The following HDX variants were observed in gnomAD, a reference collection of about 807,000 sequenced individuals.
HDX encodes the protein chromosome X open reading frame 43.
In HDX, 19 loss-of-function variants were observed where a neutral mutation model predicts 45.2. That is an observed-to-expected ratio of 0.42 (90% CI 0.29 to 0.62). The LOEUF (loss-of-function observed/expected upper bound fraction) is 0.62, where lower values mean the gene tolerates loss of function less well. Ranked by LOEUF, HDX falls within the 20% of genes least tolerant of loss-of-function variation. The pLI is 0.20. For synonymous variants in HDX, 188 were observed against 172.8 expected (o/e 1.09, Z -0.69); for missense variants, 532 against 493.9 (o/e 1.08, Z -0.73).
chrX:84,457,309 C>T (rs1313176636), intron 4 of HDX, among the ~76,000 whole-genome samples: 2 of 111,393 alleles, frequency 1.8e-5, no homozygotes, highest in Non-Finnish European at 1.9e-5. Flanking sequence ...TTATCTATTA[C>T]TAATGTATAA....
intron 5 of HDX, among the ~76,000 whole-genome samples, chrX:84,369,280 T>C (rs992004761): frequency 8.9e-6 from 1 of 112,460 alleles, no homozygotes; most frequent in Non-Finnish European, 1.9e-5. Context: ...TAATATTTCA[T>C]TGTATGCATG....
At chrX:84,325,934 C>G (rs2036698831) in intron 10 of HDX, among the ~76,000 whole-genome samples, 1 of 111,676 alleles carries the variant, frequency 9.0e-6, no homozygotes, top group Non-Finnish European at 1.9e-5. Context: ...ATTTTCCTCA[C>G]CTAAAGACTA....
intron 5 of HDX, among the ~76,000 whole-genome samples, chrX:84,378,180 G>T (rs2038101027): frequency 9.0e-6 from 1 of 111,536 alleles, no homozygotes; most frequent in East Asian, 2.8e-4. Context: ...CAAACATAAA[G>T]AAATAAAGAC....
intron 1 of HDX, among the ~76,000 whole-genome samples, chrX:84,494,274 T>C (rs2040954695): frequency 8.9e-6 from 1 of 112,203 alleles, no homozygotes; most frequent in South Asian, 3.7e-4. Flanking sequence ...TTTCAATAAA[T>C]TGTGTTTCTT....
chrX:84,412,970 C>A (rs2039021797), intron 5 of HDX, among the ~76,000 whole-genome samples: 1 of 111,918 alleles, frequency 8.9e-6, no homozygotes, highest in Non-Finnish European at 1.9e-5. Flanking sequence ...TTATGAAATT[C>A]TTGAAGTGAG....
chrX:84,436,031 A>T (rs1435282508), intron 5 of HDX, among the ~76,000 whole-genome samples: 20 of 85,549 alleles, frequency 2.3e-4, no homozygotes, highest in Non-Finnish European at 4.1e-4. Context: ...ACCAACCCAA[A>T]TGTCCAACAA....
intron 5 of HDX, among the ~76,000 whole-genome samples, chrX:84,384,399 G>GT (rs749938591): frequency 1.8e-5 from 2 of 110,496 alleles, no homozygotes; most frequent in Admixed American, 1.9e-4. Flanking sequence ...ATTTGTTTAA[G>GT]TTTTTTAGAT....
chrX:84,388,299 T>C (rs1195547213), intron 5 of HDX, among the ~76,000 whole-genome samples: 1 of 110,938 alleles, frequency 9.0e-6, no homozygotes, highest in Admixed American at 9.6e-5. Flanking sequence ...GGTCATCTTT[T>C]ATAGTATCTA....
At chrX:84,360,522 C>T (rs752123998) in intron 6 of HDX, among the ~76,000 whole-genome samples, 1 of 111,498 alleles carries the variant, frequency 9.0e-6, no homozygotes, top group East Asian at 2.8e-4. Context: ...TAATCTAGAA[C>T]ATTTTCATCA....
At chrX:84,356,590 A>G (rs1384174262) in intron 6 of HDX, among the ~76,000 whole-genome samples, 7 of 105,423 alleles carry the variant, frequency 6.6e-5, no homozygotes, top group Non-Finnish European at 9.7e-5. Flanking sequence ...CAGAGAGAAC[A>G]CTAGCCAGGA....
chrX:84,328,985 A>C (rs1486440462), intron 9 of HDX, among the ~76,000 whole-genome samples: 1 of 112,186 alleles, frequency 8.9e-6, no homozygotes, highest in African/African-American at 3.2e-5. Context: ...CTGGAAGCAG[A>C]GGCTTCCAGG....
intron 5 of HDX, among the ~76,000 whole-genome samples, chrX:84,390,435 C>T (rs1460334304): frequency 9.0e-6 from 1 of 111,562 alleles, no homozygotes; most frequent in Non-Finnish European, 1.9e-5. Flanking sequence ...TATTTTATCA[C>T]GTTCTGAAAA....
chrX:84,416,492 C>T, intron 5 of HDX, among the ~76,000 whole-genome samples: 1 of 111,095 alleles, frequency 9.0e-6, no homozygotes, highest in East Asian at 2.8e-4. Context: ...GTCACAATTG[C>T]CATTTTATAA....
At chrX:84,384,003 G>A (rs1389403965) in intron 5 of HDX, among the ~76,000 whole-genome samples, 2 of 109,798 alleles carry the variant, frequency 1.8e-5, no homozygotes, top group Non-Finnish European at 3.8e-5. Flanking sequence ...ATATTGCTGC[G>A]ATAAACATGG....
intron 10 of HDX, 118 bp downstream of exon 10, chrX:84,326,060 T>C (rs2036701750): frequency 2.9e-6 from 2 of 693,320 alleles, no homozygotes; most frequent in Non-Finnish European, 4.5e-6. Flanking sequence ...ATAACAAATA[T>C]TTCCTCCATG....
chrX:84,417,844 A>T (rs1220877115), intron 5 of HDX, among the ~76,000 whole-genome samples: 1 of 111,771 alleles, frequency 8.9e-6, no homozygotes, highest in Non-Finnish European at 1.9e-5. Flanking sequence ...AACACCATAT[A>T]CAAGGCTTGG....
chrX:84,483,963 C>T (rs1050490760), intron 2 of HDX, among the ~76,000 whole-genome samples: 3 of 111,646 alleles, frequency 2.7e-5, no homozygotes, highest in Non-Finnish European at 5.6e-5. Flanking sequence ...TCATCTTCAT[C>T]TGAGAACACC....
chrX:84,475,666 CT>C (rs1478058457), intron 2 of HDX, among the ~76,000 whole-genome samples: 1 of 111,780 alleles, frequency 8.9e-6, no homozygotes, highest in Non-Finnish European at 1.9e-5. Flanking sequence ...GAGGAAAGTC[CT>C]TATCTGGTTA....
At position 84,326,163 on chromosome X, in the gene HDX, T is replaced by G; in HGVS notation, c.1947+15A>C. ...CTTGATACATTGCAGCTTACTAGTC[T>G]TTCCTGGGACCTACCTGCTGTTGTT... On this transcript the variant is annotated intron_variant, in intron 10 of 10. Transcript: ENST00000373177. 8.3e-7 allele frequency: 1 copy of G among 1,206,628 alleles called. No individual in the cohort carries two copies. The highest frequency in any genetic ancestry group is 1.1e-6 in the Non-Finnish European group (1 of 891,604).
Sources: gnomAD v4.1 joint callset for allele counts (sites outside exome capture counted in the v4.1 genomes callset) on GRCh38, gnomAD v4.1.1 for gene constraint, MANE v1.5 for transcripts, NCBI Gene and HGNC (gene_info 2026-07-23, HGNC 2026-07-21) for gene names.